VPS4B: variants seen among roughly 807,000 people sequenced by gnomAD.
VPS4B encodes vacuolar protein sorting-associated protein 4B.
Under a neutral mutation model 56.1 loss-of-function variants are expected in VPS4B, and 23 were observed. The ratio of observed to expected loss-of-function variants is 0.41; its 90% CI spans 0.30 to 0.58. The LOEUF is 0.58. Among genes scored for constraint, VPS4B ranks in the 20% least tolerant of loss-of-function variants. The pLI is 0.29. For missense variants in VPS4B, 372 were observed against 531.9 expected, an observed-to-expected ratio of 0.70 and a Z score of 2.96; for synonymous variants, 177 against 186.0, an observed-to-expected ratio of 0.95 and a Z score of 0.39.
At chr18:63,412,853 C>G (rs1158811370) in intron 1 of VPS4B, among the ~76,000 whole-genome samples, 1 of 151,846 alleles carries the variant, frequency 6.6e-6, no homozygotes, top group East Asian at 1.9e-4. Flanking sequence ...ACATGGAAAA[C>G]TTAGGATCTG....
At position 63,411,457 on chromosome 18, in the gene VPS4B, A is replaced by G; in HGVS notation, c.139+10T>C. The G allele has an allele frequency of 6.6e-6, 10 of 1,507,596 alleles. No homozygotes were observed. The highest frequency in any genetic ancestry group is 8.9e-6 in the Non-Finnish European group (10 of 1,122,222). The allele number at this position is 1,507,596 out of a possible 1,614,324, so 93.4% of individuals were successfully genotyped here. On this transcript the variant is annotated intron_variant, in intron 2 of 10. Transcript: ENST00000238497. ...CGTGTTTTTAAATAAAATATAACCT[A>G]TGGCCTCACATTTAACGACATGAAG...
intron 3 of VPS4B, 35 bp from the exon 4 acceptor site, chr18:63,407,534 C>A: frequency 6.6e-7 from 1 of 1,514,354 alleles, no homozygotes. Context: ...CAAATGATCA[C>A]TCATTGCTAT....
intron 5 of VPS4B, among the ~76,000 whole-genome samples, chr18:63,402,398 T>C (rs1434269266): frequency 1.3e-5 from 2 of 152,146 alleles, no homozygotes; most frequent in African/African-American, 4.8e-5. Context: ...GAGAGAGAGA[T>C]GACCTCTCGG....
intron 3 of VPS4B, 57 bp downstream of exon 3, chr18:63,410,233 A>G (rs1448344365): frequency 5.6e-6 from 9 of 1,595,212 alleles, no homozygotes; most frequent in Non-Finnish European, 4.3e-6. Context: ...ATCAAAAGAA[A>G]TTTCACAAAT....
Position 63,390,567 on chromosome 18 carries a change from A to G in VPS4B, c.*408T>C, listed in dbSNP as rs1915524501. ...TTTTAATAACGTAAATTTTACATTGATAAGAATGATGTTTAACAATTTTTT... is the reference window on the plus strand; with the variant it reads ...TTTTAATAACGTAAATTTTACATTGGTAAGAATGATGTTTAACAATTTTTT... On this transcript the variant is annotated 3_prime_UTR_variant, in exon 11 of 11. Transcript: ENST00000238497. 1 of 153,260 alleles carries G rather than the reference A, an allele frequency of 6.5e-6. No individual in the cohort carries two copies. Among genetic ancestry groups the G allele is most frequent in the African/African-American group, 2.4e-5 (1 of 41,462 alleles). 9.5% of individuals were successfully genotyped at this position (153,260 alleles called of 1,614,324 possible). A position where few individuals can be genotyped will look rare whatever the true frequency, so the allele number is the denominator to read the frequency against.
In VPS4B at chr18:63,422,294, G is replaced by C; in HGVS notation, c.-35C>G. On this transcript the variant is annotated 5_prime_UTR_variant, in exon 1 of 11. Coordinates refer to ENST00000238497, the MANE Select transcript of VPS4B (RefSeq NM_004869.4). ...CCCAGGCGGTTCCCAAGGGAACGAG[G>C]GGCGAGGAGAGCCAACAGCAGCAAC... 1 of 1,484,382 alleles carries C rather than the reference G, an allele frequency of 6.7e-7. No individual in the cohort carries two copies. The highest frequency in any genetic ancestry group is 2.7e-5 in the East Asian group (1 of 36,800). 92.0% of individuals were successfully genotyped at this position (1,484,382 alleles called of 1,614,324 possible). A position where few individuals can be genotyped will look rare whatever the true frequency, so the allele number is the denominator to read the frequency against.
At position 63,397,271 on chromosome 18, in the gene VPS4B, A is replaced by G. The variant is rs1915692890; in HGVS notation, c.873-18T>C. 1.3e-6 allele frequency: 2 copies of G among 1,585,510 alleles called. No homozygotes were observed. Among genetic ancestry groups the G allele is most frequent in the Admixed American group, 1.8e-5 (1 of 55,278 alleles). On this transcript the variant is annotated intron_variant, in intron 8 of 10. Transcript: ENST00000238497. ...TCTCAAATCTTAAAAGAGAAATTAC[A>G]TCAAGAATATATTTAATTGAAAATT...
chr18:63,414,236 G>A (rs1916112969), intron 1 of VPS4B, among the ~76,000 whole-genome samples: 1 of 151,656 alleles, frequency 6.6e-6, no homozygotes, highest in African/African-American at 2.4e-5. Context: ...AAAAATATTA[G>A]CCAGGCGCCT....
chr18:63,391,953 T>G (rs938556954), intron 10 of VPS4B, among the ~76,000 whole-genome samples: 1 of 152,094 alleles, frequency 6.6e-6, no homozygotes, highest in African/African-American at 2.4e-5. Context: ...AAAGGACCAC[T>G]CTAAGTTACT....
intron 9 of VPS4B, 47 bp from the exon 10 acceptor site, chr18:63,393,596 C>A: frequency 6.8e-7 from 1 of 1,466,988 alleles, no homozygotes; most frequent in Non-Finnish European, 9.1e-7. Flanking sequence ...CAAAATTGAA[C>A]ATTAAGACTT....
chr18:63,393,420 C>G lies in VPS4B; in HGVS notation c.1222G>C (p.Val408Leu). The change falls in exon 10 of 11, where the codon GTT (valine) becomes CTT (leucine). Residue 408 changes from valine to leucine, a missense_variant. Around this residue, in one of 3 missense-constraint regions of VPS4B, gnomAD observed 153 missense variants for 190.9 expected, o/e 0.80. Coordinates refer to ENST00000238497, the MANE Select transcript of VPS4B (RefSeq NM_004869.4). Reference protein sequence around the residue: ...DVPGDKLLEPVVSMSDMLRSL... With the variant: ...DVPGDKLLEPLVSMSDMLRSL... ...ACAAAATTTCAAACCATGGAAACAA[C>G]TGGCTCCAAAAGTTTATCTCCAGGG... 2 of 1,594,804 alleles carry G rather than the reference C, an allele frequency of 1.3e-6. No homozygotes were observed. Among genetic ancestry groups the G allele is most frequent in the Non-Finnish European group, 8.5e-7 (1 of 1,173,258 alleles).
At chr18:63,415,426 G>A in intron 1 of VPS4B, 2 of 285,816 alleles carry the variant, frequency 7.0e-6, no homozygotes, top group South Asian at 4.1e-5. Context: ...TTCCCTCAGG[G>A]CATATATGCT....
intron 3 of VPS4B, among the ~76,000 whole-genome samples, chr18:63,409,703 T>C (rs886762839): frequency 5.3e-5 from 8 of 152,210 alleles, no homozygotes; most frequent in Non-Finnish European, 8.8e-5. Context: ...TTATAAGTTA[T>C]GCTGTGTTGT....
At chr18:63,403,111 G>A (rs1268484646) in intron 5 of VPS4B, among the ~76,000 whole-genome samples, 1 of 152,316 alleles carries the variant, frequency 6.6e-6, no homozygotes, top group South Asian at 2.1e-4. Flanking sequence ...CAGTGATAAT[G>A]AAATGTCCTT....
chr18:63,410,700 T>C (rs1916021774), intron 2 of VPS4B, among the ~76,000 whole-genome samples: 1 of 152,204 alleles, frequency 6.6e-6, no homozygotes, highest in Non-Finnish European at 1.5e-5. Flanking sequence ...TAATGTTAAC[T>C]AACAGGAAAT....
intron 4 of VPS4B, among the ~76,000 whole-genome samples, chr18:63,406,909 A>G (rs1029571945): frequency 8.5e-5 from 13 of 152,224 alleles, no homozygotes; most frequent in African/African-American, 3.1e-4. Context: ...GCTATAGTAG[A>G]ACAGAATGAA....
At chr18:63,395,094 T>G (rs867044602) in intron 9 of VPS4B, among the ~76,000 whole-genome samples, 1 of 152,166 alleles carries the variant, frequency 6.6e-6, no homozygotes, top group Non-Finnish European at 1.5e-5. Flanking sequence ...CTGCAGCTGG[T>G]GATCCCCAGC....
At position 63,403,799 on chromosome 18, in the gene VPS4B, A is replaced by C. The variant is rs780446635; in HGVS notation, c.392T>G (p.Val131Gly). 4 of 1,612,896 alleles carry C rather than the reference A, an allele frequency of 2.5e-6. No individual in the cohort carries two copies. ...AAGTCCAGCAACGTCACTCCATTTCACATTTGGTCGTTCTATAACAATGGC... is the reference window on the plus strand; with the variant it reads ...AAGTCCAGCAACGTCACTCCATTTCCCATTTGGTCGTTCTATAACAATGGC... The part of the protein sequence containing the change: ...QGAIVIERPN[V>G]KWSDVAGLEG... The change falls in exon 5 of 11, where the codon GTG (valine) becomes GGG (glycine). Residue 131 changes from valine (V) to glycine (G), a missense_variant. By Grantham distance (109) the Val-to-Gly change is moderately radical (BLOSUM62 -3). Transcript: ENST00000238497.
Position 63,390,752 on chromosome 18 carries a change from C to T in VPS4B, c.*223G>A, listed in dbSNP as rs539062279. The T allele has an allele frequency of 2.1e-4, 68 of 331,214 alleles. No homozygotes were observed. Among genetic ancestry groups the T allele is most frequent in the Non-Finnish European group, 3.2e-4 (59 of 181,804 alleles). 20.5% of individuals were successfully genotyped at this position (331,214 alleles called of 1,614,324 possible). The stretch of plus-strand genomic sequence containing the variant: ...TTCTGTTTTTATGCCGTTCATATAT[C>T]GCTCATTTCCTCATAACCTGTTATT... On this transcript the variant is annotated 3_prime_UTR_variant, in exon 11 of 11. Transcript: ENST00000238497.
Sources: allele counts gnomAD v4.1 joint callset (sites outside exome capture counted in the v4.1 genomes callset), GRCh38; gene constraint gnomAD v4.1.1; regional missense constraint gnomAD v4.1.1; transcripts MANE v1.5; gene names NCBI Gene and HGNC (gene_info 2026-07-23, HGNC 2026-07-21).